ANXA10: variants seen among roughly 807,000 people sequenced by gnomAD.
The protein encoded by ANXA10 is annexin 14.
Under a neutral mutation model 53.5 loss-of-function variants are expected in ANXA10, and 49 were observed. The observed-to-expected ratio is 0.92, with a 90% CI of 0.73 to 1.16. The LOEUF (loss-of-function observed/expected upper bound fraction) is 1.16. Ranked by LOEUF, ANXA10 falls within the 50% of genes most tolerant of loss-of-function variation. The pLI is 0.00. For missense variants in ANXA10, 393 were observed against 394.4 expected (o/e 1.00, Z 0.03); for synonymous variants, 131 against 128.9 (o/e 1.02, Z -0.11).
intron 3 of ANXA10, among the ~76,000 whole-genome samples, chr4:168,156,835 T>A (rs755030212): frequency 6.6e-5 from 10 of 152,122 alleles, no homozygotes; most frequent in South Asian, 2.1e-4. Context: ...CTTGGTGATG[T>A]TTGGCTGGAG....
At chr4:168,162,370 T>C (rs1731800449) in intron 3 of ANXA10, among the ~76,000 whole-genome samples, 158 bp from the exon 4 acceptor site, 1 of 152,210 alleles carries the variant, frequency 6.6e-6, no homozygotes, top group South Asian at 2.1e-4. Flanking sequence ...AAGTTCATCA[T>C]CTCATGTAAT....
chr4:168,152,035 C>T (rs1378429633), intron 3 of ANXA10, among the ~76,000 whole-genome samples: 1 of 152,192 alleles, frequency 6.6e-6, no homozygotes, highest in East Asian at 1.9e-4. Flanking sequence ...AGGCACAGTT[C>T]TATGGGCTGG....
At chr4:168,157,906 A>G (rs1731717098) in intron 3 of ANXA10, among the ~76,000 whole-genome samples, 1 of 152,194 alleles carries the variant, frequency 6.6e-6, no homozygotes, top group African/African-American at 2.4e-5. Flanking sequence ...TAAATGTGCT[A>G]TAAATATTCC....
chr4:168,159,304 G>C (rs921586692), intron 3 of ANXA10, among the ~76,000 whole-genome samples: 9 of 152,022 alleles, frequency 5.9e-5, no homozygotes, highest in African/African-American at 2.2e-4. Context: ...ATAAATATTT[G>C]AATACACATG....
At chr4:168,095,107 G>A (rs964738767) in intron 1 of ANXA10, among the ~76,000 whole-genome samples, 4 of 152,076 alleles carry the variant, frequency 2.6e-5, no homozygotes, top group South Asian at 4.2e-4. Flanking sequence ...ACTTGCCCAA[G>A]TCAGGATCTA....
chr4:168,108,709 G>A (rs553763670), intron 1 of ANXA10, among the ~76,000 whole-genome samples: 33 of 152,254 alleles, frequency 2.2e-4, no homozygotes, highest in African/African-American at 7.5e-4. Flanking sequence ...TCAGATATCC[G>A]TTGTGAAGCC....
intron 1 of ANXA10, 24 bp from the exon 2 acceptor site, chr4:168,128,060 C>G: frequency 6.3e-7 from 1 of 1,582,918 alleles, no homozygotes; most frequent in Non-Finnish European, 8.7e-7. Context: ...ATTACAATCA[C>G]TTTCTCATTG....
intron 3 of ANXA10, among the ~76,000 whole-genome samples, chr4:168,141,365 G>A (rs1176877875): frequency 6.6e-6 from 1 of 152,124 alleles, no homozygotes; most frequent in African/African-American, 2.4e-5. Context: ...TCTTGATTTA[G>A]ATCTTCATCA....
chr4:168,150,385 A>G (rs1383555970), intron 3 of ANXA10, among the ~76,000 whole-genome samples: 2 of 152,222 alleles, frequency 1.3e-5, no homozygotes, highest in Admixed American at 1.3e-4. Flanking sequence ...GTGACGAAGC[A>G]ACTTGCACAA....
chr4:168,127,716 G>C (rs542911772), intron 1 of ANXA10: 7 of 468,116 alleles, frequency 1.5e-5, no homozygotes, highest in African/African-American at 8.3e-5. Context: ...TGACACACAA[G>C]TAAGGCGTTT....
intron 1 of ANXA10, among the ~76,000 whole-genome samples, chr4:168,125,249 C>T (rs1341909781): frequency 1.3e-5 from 2 of 152,122 alleles, no homozygotes; most frequent in Non-Finnish European, 2.9e-5. Context: ...GTAAATGCCT[C>T]ATGAACGGAA....
At chr4:168,132,579 G>A (rs1302546745) in intron 2 of ANXA10, among the ~76,000 whole-genome samples, 2 of 152,042 alleles carry the variant, frequency 1.3e-5, no homozygotes, top group Non-Finnish European at 1.5e-5. Flanking sequence ...ACAACAGGGT[G>A]ACTATAGTCA....
intron 1 of ANXA10, among the ~76,000 whole-genome samples, chr4:168,098,093 C>T (rs1730580390): frequency 6.7e-6 from 1 of 150,328 alleles, no homozygotes; most frequent in South Asian, 2.1e-4. Flanking sequence ...ATAAGTATTA[C>T]TTTAAATCTA....
chr4:168,123,080 G>A (rs1403820877), intron 1 of ANXA10, among the ~76,000 whole-genome samples: 1 of 152,132 alleles, frequency 6.6e-6, no homozygotes, highest in African/African-American at 2.4e-5. Flanking sequence ...CCTAGAAGAA[G>A]CAGGAAACCA....
chr4:168,095,520 TATA>T (rs1368804476), intron 1 of ANXA10, among the ~76,000 whole-genome samples: 2 of 152,042 alleles, frequency 1.3e-5, no homozygotes, highest in African/African-American at 4.8e-5. Context: ...TAGAAATTAT[TATA>T]ATAATTTACT....
chr4:168,175,007 A>C (rs1055080563), intron 6 of ANXA10, among the ~76,000 whole-genome samples: 1 of 152,208 alleles, frequency 6.6e-6, no homozygotes, highest in Non-Finnish European at 1.5e-5. Context: ...TATAGATGGA[A>C]TTTAAAGCCA....
At chr4:168,123,238 C>T (rs1731018349) in intron 1 of ANXA10, among the ~76,000 whole-genome samples, 2 of 151,572 alleles carry the variant, frequency 1.3e-5, no homozygotes, top group African/African-American at 2.4e-5. Context: ...TATAGCTGTG[C>T]GTTGTTGAAG....
intron 10 of ANXA10, among the ~76,000 whole-genome samples, chr4:168,183,991 G>T (rs1732312430): frequency 6.6e-6 from 1 of 152,080 alleles, no homozygotes; most frequent in South Asian, 2.1e-4. Context: ...CATTGATTTT[G>T]TATTTTTCTG....
intron 6 of ANXA10, among the ~76,000 whole-genome samples, chr4:168,165,866 G>C (rs569578429): frequency 1.3e-5 from 2 of 152,092 alleles, no homozygotes; most frequent in East Asian, 3.9e-4. Flanking sequence ...TAGTAGAGAT[G>C]GGGTTTCACC....
Sources: gnomAD v4.1 joint callset for allele counts (sites outside exome capture counted in the v4.1 genomes callset) on GRCh38, gnomAD v4.1.1 for gene constraint, MANE v1.5 for transcripts, NCBI Gene and HGNC (gene_info 2026-07-23, HGNC 2026-07-21) for gene names.